Variants in FSTL5 observed in about 807,000 individuals in gnomAD.
FSTL5 encodes follistatin like 5.
FSTL5 carries 62 observed loss-of-function variants against 89.1 expected under a neutral mutation model. The ratio of observed to expected loss-of-function variants is 0.70; its 90% CI spans 0.57 to 0.86. The LOEUF is 0.86. Ranked by LOEUF, FSTL5 falls within the 40% of genes least tolerant of loss-of-function variation. The pLI is 0.00. For missense variants in FSTL5, 1,057 were observed against 1,001.6 expected, an observed-to-expected ratio of 1.06 and a Z score of -0.75; for synonymous variants, 383 against 346.2, an observed-to-expected ratio of 1.11 and a Z score of -1.18.
At position 161,570,086 on chromosome 4, in the gene FSTL5, C is replaced by T. The variant is rs188996422; in HGVS notation, c.1015+17369G>A. ...TTGTAACAATACAGTGGAATGTATC[C>T]TTATTTCAAAGACATTAATACAGGA... On this transcript the variant is annotated intron_variant, in intron 8 of 15. Transcript: ENST00000306100. Among the ~76,000 whole-genome samples, 441 of 152,152 alleles carry T rather than the reference C, an allele frequency of 2.9e-3. 1 individual carries two copies. Among genetic ancestry groups the T allele is most frequent in the African/African-American group, 0.01 (430 of 41,508 alleles).
intron 12 of FSTL5, among the ~76,000 whole-genome samples, chr4:161,497,654 A>C (rs1029298108): frequency 6.6e-6 from 1 of 151,998 alleles, no homozygotes; most frequent in African/African-American, 2.4e-5. Flanking sequence ...CTATCCTTGC[A>C]TGTATTTTTA....
At chr4:161,646,397 ATC>A (rs144591536) in intron 7 of FSTL5, among the ~76,000 whole-genome samples, 9,812 of 151,332 alleles carry the variant, frequency 0.065, 1,051 homozygotes, top group African/African-American at 0.22. Context: ...AACTATTAAA[ATC>A]TCTGTCTCTG....
intron 13 of FSTL5, among the ~76,000 whole-genome samples, chr4:161,475,718 T>C (rs1390114453): frequency 6.6e-6 from 1 of 152,076 alleles, no homozygotes; most frequent in Non-Finnish European, 1.5e-5. Flanking sequence ...TAAATTTGCC[T>C]CAGGTCTTGT....
intron 15 of FSTL5, chr4:161,387,726 G>T (rs1730694176): frequency 1.3e-5 from 2 of 151,952 alleles, no homozygotes; most frequent in Non-Finnish European, 2.9e-5. Context: ...AAGAAAGGGA[G>T]TGCCTACACA....
chr4:161,520,591 T>C (rs539536927), intron 10 of FSTL5, among the ~76,000 whole-genome samples: 47 of 152,218 alleles, frequency 3.1e-4, no homozygotes, highest in Non-Finnish European at 5.9e-4. Flanking sequence ...AGTAAATATA[T>C]CCTATACTCT....
chr4:161,968,685 C>CAAT (rs1735393259), intron 3 of FSTL5, among the ~76,000 whole-genome samples: 1 of 151,948 alleles, frequency 6.6e-6, no homozygotes, highest in Non-Finnish European at 1.5e-5. Context: ...CCTAGCCAAG[C>CAAT]AATAATTCCA....
chr4:161,416,529 T>C (rs1731786164), intron 15 of FSTL5, among the ~76,000 whole-genome samples: 1 of 152,136 alleles, frequency 6.6e-6, no homozygotes, highest in Admixed American at 6.6e-5. Context: ...TTTTTCTGAA[T>C]TAATTTCTGT....
intron 3 of FSTL5, among the ~76,000 whole-genome samples, chr4:162,011,925 G>A (rs949890659): frequency 3.3e-5 from 5 of 152,110 alleles, no homozygotes; most frequent in African/African-American, 1.2e-4. Flanking sequence ...CTAGAGTCTT[G>A]TTTATTCTGT....
intron 10 of FSTL5, among the ~76,000 whole-genome samples, chr4:161,522,105 T>C (rs1578896276): frequency 6.6e-6 from 1 of 152,006 alleles, no homozygotes; most frequent in African/African-American, 2.4e-5. Flanking sequence ...GTTACTATAT[T>C]AATAAGACAG....
chr4:162,094,357 G>T (rs1730666615), intron 2 of FSTL5, among the ~76,000 whole-genome samples: 1 of 152,096 alleles, frequency 6.6e-6, no homozygotes, highest in Non-Finnish European at 1.5e-5. Context: ...TGTCAGCTTT[G>T]ACCTAAATTT....
intron 4 of FSTL5, among the ~76,000 whole-genome samples, chr4:161,875,647 T>C (rs1443540182): frequency 6.6e-6 from 1 of 152,206 alleles, no homozygotes; most frequent in Non-Finnish European, 1.5e-5. Flanking sequence ...CCTGCTTTCG[T>C]TCCTCTGTTG....
intron 5 of FSTL5, among the ~76,000 whole-genome samples, chr4:161,762,243 T>G (rs906072011): frequency 6.6e-6 from 1 of 152,172 alleles, no homozygotes; most frequent in African/African-American, 2.4e-5. Context: ...CTCGGCTCAC[T>G]GCAACGTCTG....
chr4:161,866,781 A>G (rs17639545), intron 4 of FSTL5, among the ~76,000 whole-genome samples: 48,408 of 151,680 alleles, frequency 0.32, 7,950 homozygotes, highest in South Asian at 0.39. Context: ...GTAGCTTTCT[A>G]AAATATAATT....
intron 1 of FSTL5, among the ~76,000 whole-genome samples, chr4:162,150,165 CT>C (rs1561046817): frequency 2.0e-5 from 3 of 151,988 alleles, no homozygotes; most frequent in African/African-American, 7.2e-5. Flanking sequence ...CAAGTGCTTC[CT>C]AGAAAGACAT....
intron 15 of FSTL5, among the ~76,000 whole-genome samples, chr4:161,396,653 TAA>T (rs202204959): frequency 1.9e-4 from 24 of 125,124 alleles, no homozygotes; most frequent in East Asian, 6.6e-4. Context: ...CACTCTGTCT[TAA>T]AAAAAAAAAA....
At chr4:161,449,516 C>G (rs1036072257) in intron 15 of FSTL5, among the ~76,000 whole-genome samples, 1 of 152,138 alleles carries the variant, frequency 6.6e-6, no homozygotes, top group African/African-American at 2.4e-5. Flanking sequence ...TATGCCTTCT[C>G]TTATTACTCA....
intron 4 of FSTL5, among the ~76,000 whole-genome samples, chr4:161,906,726 T>C (rs550573711): frequency 3.2e-4 from 48 of 152,274 alleles, no homozygotes; most frequent in African/African-American, 1.1e-3. Context: ...ACAGCAAATA[T>C]TGCTTATACG....
At chr4:161,925,737 C>T (rs1476807440) in intron 3 of FSTL5, among the ~76,000 whole-genome samples, 1 of 151,776 alleles carries the variant, frequency 6.6e-6, no homozygotes, top group Admixed American at 6.6e-5. Flanking sequence ...GTACATAGAA[C>T]ATATTGACTT....
intron 8 of FSTL5, among the ~76,000 whole-genome samples, chr4:161,585,696 T>G (rs1733589403): frequency 6.6e-6 from 1 of 151,628 alleles, no homozygotes; most frequent in African/African-American, 2.4e-5. Flanking sequence ...AAGAACAATT[T>G]CCCCATGGAT....
Sources: gnomAD v4.1 joint callset for allele counts (sites outside exome capture counted in the v4.1 genomes callset) on GRCh38, gnomAD v4.1.1 for gene constraint, MANE v1.5 for transcripts, NCBI Gene and HGNC (gene_info 2026-07-23, HGNC 2026-07-21) for gene names.